Variants in DCP1A observed in about 807,000 individuals in gnomAD.
DCP1A encodes the protein mRNA-decapping enzyme 1A.
A neutral mutation model predicts 58.0 loss-of-function variants in DCP1A; 20 were observed. That is an observed-to-expected ratio of 0.34 (90% CI 0.24 to 0.50). The LOEUF is 0.50. Ranked by LOEUF, DCP1A falls within the 20% of genes least tolerant of loss-of-function variation. The pLI is 0.98. For missense variants in DCP1A, 613 were observed against 712.2 expected (o/e 0.86, Z 1.59); for synonymous variants, 285 against 275.1 (o/e 1.04, Z -0.36).
intron 8 of DCP1A, among the ~76,000 whole-genome samples, chr3:53,289,592 A>T (rs1169986951): frequency 6.6e-6 from 1 of 151,738 alleles, no homozygotes; most frequent in Non-Finnish European, 1.5e-5. Flanking sequence ...AGCCTGGGCA[A>T]CAAAGCAAGA....
chr3:53,331,063 T>C (rs2088990575), intron 3 of DCP1A, among the ~76,000 whole-genome samples: 1 of 152,184 alleles, frequency 6.6e-6, no homozygotes, highest in Non-Finnish European at 1.5e-5. Flanking sequence ...TTTACCATGT[T>C]GGTCAGGCTG....
chr3:53,340,977 A>G (rs2089193303), intron 3 of DCP1A, among the ~76,000 whole-genome samples: 1 of 152,180 alleles, frequency 6.6e-6, no homozygotes, highest in Non-Finnish European at 1.5e-5. Flanking sequence ...CTTACACCAC[A>G]TAGGTAACTG....
intron 3 of DCP1A, among the ~76,000 whole-genome samples, chr3:53,332,604 C>A (rs2089027076): frequency 6.6e-6 from 1 of 152,104 alleles, no homozygotes. Flanking sequence ...GTGGCTCATG[C>A]CTGTAATCCC....
chr3:53,299,856 A>G (rs1449384133), intron 6 of DCP1A, among the ~76,000 whole-genome samples: 1 of 152,092 alleles, frequency 6.6e-6, no homozygotes, highest in African/African-American at 2.4e-5. Context: ...TGTCACTATA[A>G]CCTAAATAAT....
At chr3:53,344,866 C>T in intron 2 of DCP1A, 36 bp downstream of exon 2, 3 of 1,477,764 alleles carry the variant, frequency 2.0e-6, no homozygotes, top group Non-Finnish European at 2.8e-6. Flanking sequence ...CACCACTAGA[C>T]TGTTAAAAAC....
In DCP1A at chr3:53,344,906, G is replaced by A; in HGVS notation, c.172C>T (p.Arg58Ter). ...ATACATATTTTAAAAACTTACCTTC[G>A]ATATACGAATAAGGTCCCTTCTATA... ...TDIEGTLFVY[R>*]RSASPYHGFT... Residue 58 changes from arginine (R) to a stop codon, truncating the protein, a stop_gained, in exon 2 of 10, where the codon CGA becomes TGA. Coordinates refer to ENST00000610213, the MANE Select transcript of DCP1A (RefSeq NM_018403.7). LOFTEE classifies it high-confidence loss of function. The A allele has an allele frequency of 1.3e-6, 2 of 1,599,464 alleles. No homozygotes were observed. The highest frequency in any genetic ancestry group is 8.5e-7 in the Non-Finnish European group (1 of 1,170,628).
At chr3:53,292,047 A>T (rs191456151) in intron 7 of DCP1A, 22 bp downstream of exon 7, 9 of 1,430,558 alleles carry the variant, frequency 6.3e-6, no homozygotes, top group Non-Finnish European at 8.6e-6. Flanking sequence ...CACTCTGCCC[A>T]CCCCCACCCT....
chr3:53,317,884 C>T (rs1707858404), intron 4 of DCP1A, among the ~76,000 whole-genome samples: 1 of 152,184 alleles, frequency 6.6e-6, no homozygotes, highest in African/African-American at 2.4e-5. Context: ...ACAGCCAGAA[C>T]AGGCAACAAA....
chr3:53,305,282 G>A (rs782694171), intron 5 of DCP1A, among the ~76,000 whole-genome samples: 5 of 151,852 alleles, frequency 3.3e-5, no homozygotes, highest in Admixed American at 6.6e-5. Context: ...TGTTGTTTCC[G>A]TTTTTTGGTA....
At chr3:53,289,087 T>C (rs1553685604) in intron 8 of DCP1A, among the ~76,000 whole-genome samples, 2 of 151,316 alleles carry the variant, frequency 1.3e-5, no homozygotes, top group Non-Finnish European at 2.9e-5. Flanking sequence ...CACCACTCAC[T>C]GCAGCTTCAA....
rs138800967 is a variant in DCP1A at position 53,342,648 on chromosome 3, C to T, written c.177-377G>A. ...AAAACCTCTTCCTGGATTACTGCCC[C>T]AGAAGCTGCACAGCTATCTCATCTC... On this transcript the variant is annotated intron_variant, in intron 2 of 9. Coordinates refer to ENST00000610213, the MANE Select transcript of DCP1A (RefSeq NM_018403.7). 6.3e-3 allele frequency among the ~76,000 whole-genome samples: 957 copies of T among 152,324 alleles called. 6 individuals are homozygous for T. The highest frequency in any genetic ancestry group is 0.014 in the Middle Eastern group (4 of 294).
At chr3:53,307,501 G>A (rs1199106137) in intron 5 of DCP1A, among the ~76,000 whole-genome samples, 1 of 152,132 alleles carries the variant, frequency 6.6e-6, no homozygotes, top group South Asian at 2.1e-4. Flanking sequence ...CTGGCTCTTG[G>A]GGCATTTGAT....
In DCP1A at chr3:53,308,802, T is replaced by C. The variant is rs1376062649; in HGVS notation, c.510+3439A>G. On this transcript the variant is annotated intron_variant, in intron 5 of 9. Coordinates refer to ENST00000610213, the MANE Select transcript of DCP1A (RefSeq NM_018403.7). ...TTTTGGTAGAGACAAGGTCTTGCTA[T>C]GTTGCCCAGGGTGGTCTGAAACTCG... 4.1e-4 allele frequency among the ~76,000 whole-genome samples: 63 copies of C among 152,098 alleles called. 3 individuals carry two copies. Among genetic ancestry groups the C allele is most frequent in the Admixed American group, 6.6e-5 (1 of 15,264 alleles).
intron 8 of DCP1A, among the ~76,000 whole-genome samples, chr3:53,288,597 A>T (rs917966521): frequency 1.3e-5 from 2 of 152,204 alleles, no homozygotes; most frequent in Admixed American, 6.5e-5. Context: ...CCTATGATAA[A>T]TTTAAAATGT....
At position 53,312,234 on chromosome 3, in the gene DCP1A, G is replaced by T. The variant is rs1707666571; in HGVS notation, c.510+7C>A. The T allele has an allele frequency of 1.3e-6, 2 of 1,584,684 alleles. No homozygotes were observed. The highest frequency in any genetic ancestry group is 1.4e-5 in the African/African-American group (1 of 73,900). ...TGGTCAGCACCCAAGTACCCAGAGA[G>T]CCTCACCCTCTCATACTCATCCTTG... On this transcript the variant is annotated splice_region_variant and intron_variant, in intron 5 of 9. Transcript: ENST00000610213.
At chr3:53,314,540 T>C (rs1707740290) in intron 4 of DCP1A, among the ~76,000 whole-genome samples, 1 of 152,166 alleles carries the variant, frequency 6.6e-6, no homozygotes, top group Non-Finnish European at 1.5e-5. Context: ...CACGGCCTGT[T>C]TTCCACCTAC....
chr3:53,344,895 A>C lies in DCP1A; in HGVS notation c.176+7T>G. On this transcript the variant is annotated splice_region_variant and intron_variant, in intron 2 of 9. Transcript: ENST00000610213. Reference sequence around the variant, plus strand: ...TAAAAACAAATATACATATTTTAAAAACTTACCTTCGATATACGAATAAGG... The same window carrying C: ...TAAAAACAAATATACATATTTTAAACACTTACCTTCGATATACGAATAAGG... 1 of 1,585,610 alleles carries C rather than the reference A, an allele frequency of 6.3e-7. No individual in the cohort carries two copies. Among genetic ancestry groups the C allele is most frequent in the Admixed American group, 1.7e-5 (1 of 57,944 alleles).
Position 53,346,029 on chromosome 3 carries a change from A to G in DCP1A, c.136-1087T>C, listed in dbSNP as rs1360142869. On this transcript the variant is annotated intron_variant, in intron 1 of 9. Transcript: ENST00000610213. ...TTATTATAGCTTGTATTTCATATTT[A>G]AAACAGAACTCCACAATGTAAAATT... 2.6e-5 allele frequency among the ~76,000 whole-genome samples: 4 copies of G among 152,322 alleles called. No homozygotes were observed. The East Asian group carries it at 7.7e-4, about 29-fold the overall frequency.
intron 6 of DCP1A, among the ~76,000 whole-genome samples, chr3:53,303,934 C>G (rs1351536848): frequency 2.0e-5 from 3 of 152,164 alleles, no homozygotes; most frequent in African/African-American, 7.2e-5. Context: ...AAGGATTACT[C>G]TGGCTGTTGG....
Sources: gnomAD v4.1 joint callset for allele counts (sites outside exome capture counted in the v4.1 genomes callset) on GRCh38, gnomAD v4.1.1 for gene constraint, MANE v1.5 for transcripts, NCBI Gene and HGNC (gene_info 2026-07-23, HGNC 2026-07-21) for gene names.